The following HSP90AA1 variants were observed in gnomAD, a reference collection of about 807,000 sequenced individuals.
The protein encoded by HSP90AA1 is heat shock protein 90 alpha family class A member 1, also known as heat shock protein HSP 90-alpha.
Under a neutral mutation model 73.3 loss-of-function variants are expected in HSP90AA1, and 18 were observed. The ratio of observed to expected loss-of-function variants is 0.25; its 90% confidence interval spans 0.17 to 0.36. HSP90AA1 has a LOEUF of 0.36. HSP90AA1 is among the 10% of genes least tolerant of loss of function. HSP90AA1 has a pLI of 1.00. For missense variants in HSP90AA1, 704 were observed against 874.2 expected, an observed-to-expected ratio of 0.81 and a Z score of 2.45; for synonymous variants, 477 against 296.9, an observed-to-expected ratio of 1.61 and a Z score of -6.24.
chr14:102,134,048 C>T (rs536051901), intron 1 of HSP90AA1, among the ~76,000 whole-genome samples: 93 of 151,060 alleles, frequency 6.2e-4, no homozygotes, highest in African/African-American at 2.1e-3. Context: ...CTACTTGGGA[C>T]GCTGAGGCAG....
chr14:102,090,480 T>C (rs2049340543), upstream of HSP90AA1, among the ~76,000 whole-genome samples: 1 of 151,270 alleles, frequency 6.6e-6, no homozygotes, highest in Non-Finnish European at 1.5e-5. Context: ...GACGGAGTCT[T>C]GCTCTGTCGC....
chr14:102,102,307 G>A (rs2049504721), intron 1 of HSP90AA1, among the ~76,000 whole-genome samples: 1 of 152,184 alleles, frequency 6.6e-6, no homozygotes, highest in East Asian at 1.9e-4. Context: ...CTTCTCTGTG[G>A]ATGCTGTATG....
chr14:102,111,873 G>A (rs2049646829), intron 1 of HSP90AA1, among the ~76,000 whole-genome samples: 1 of 152,140 alleles, frequency 6.6e-6, no homozygotes, highest in South Asian at 2.1e-4. Context: ...TTGTGTTATG[G>A]TTTTCAGTGG....
At chr14:102,106,047 G>A (rs1213611123) in intron 1 of HSP90AA1, among the ~76,000 whole-genome samples, 2 of 152,042 alleles carry the variant, frequency 1.3e-5, no homozygotes, top group Admixed American at 1.3e-4. Context: ...CTGCACTCTA[G>A]CCTGGGCGAC....
At chr14:102,110,439 TGA>T (rs2078129886) in intron 1 of HSP90AA1, among the ~76,000 whole-genome samples, 1 of 149,902 alleles carries the variant, frequency 6.7e-6, no homozygotes, top group Non-Finnish European at 1.5e-5. Context: ...TGTTTGTTTT[TGA>T]GAGAGTTTCA....
chr14:102,126,506 C>T (rs1424783621), intron 1 of HSP90AA1, among the ~76,000 whole-genome samples: 1 of 152,092 alleles, frequency 6.6e-6, no homozygotes, highest in Non-Finnish European at 1.5e-5. Flanking sequence ...TAGATACTGA[C>T]TGCATCCTCG....
chr14:102,083,541 C>CT lies in HSP90AA1; in HGVS notation c.1486+4dup, dbSNP rs771936908. ...GTGTATGACTGTAACATAGTGTTCT[C>CT]TTACCTGTGATATAATAGATATGTT... On this transcript the variant is annotated splice_donor_region_variant and intron_variant, in intron 8 of 10. Transcript: ENST00000216281. 1.9e-6 allele frequency: 3 copies of CT among 1,613,116 alleles called. No homozygotes were observed. Among genetic ancestry groups the CT allele is most frequent in the Non-Finnish European group, 8.5e-7 (1 of 1,179,528 alleles).
At chr14:102,139,648 T>C in exon 1 of HSP90AA1, 1 of 644,292 alleles carries the variant, frequency 1.6e-6, no homozygotes, top group Non-Finnish European at 2.6e-6. Context: ...GAAGCCGGCA[T>C]CACCTGGGAA....
intron 2 of HSP90AA1, among the ~76,000 whole-genome samples, chr14:102,096,298 G>A (rs2049423411): frequency 6.6e-6 from 1 of 152,088 alleles, no homozygotes; most frequent in East Asian, 1.9e-4. Context: ...CACCTCCTCC[G>A]AGCTCACAGC....
At chr14:102,135,482 G>A (rs2049977830) in intron 1 of HSP90AA1, among the ~76,000 whole-genome samples, 1 of 152,292 alleles carries the variant, frequency 6.6e-6, no homozygotes, top group Admixed American at 6.5e-5. Context: ...TGCAGGTGGA[G>A]CTGCCTGCCA....
chr14:102,117,511 G>A (rs1034944876), intron 1 of HSP90AA1, among the ~76,000 whole-genome samples: 4 of 151,352 alleles, frequency 2.6e-5, no homozygotes, highest in African/African-American at 9.7e-5. Flanking sequence ...CACTCCTCGG[G>A]ATGACCTGCT....
At chr14:102,085,127 A>T in intron 4 of HSP90AA1, 129 bp from the exon 5 acceptor site, 1 of 1,515,060 alleles carries the variant, frequency 6.6e-7, no homozygotes, top group Non-Finnish European at 9.1e-7. Context: ...CTTTTCATCA[A>T]TATTTGATAC....
At chr14:102,134,295 C>T (rs1160648994) in intron 1 of HSP90AA1, among the ~76,000 whole-genome samples, 2 of 129,690 alleles carry the variant, frequency 1.5e-5, no homozygotes, top group African/African-American at 5.8e-5. Context: ...ACTACTCAAA[C>T]CTGGGCGACA....
intron 2 of HSP90AA1, among the ~76,000 whole-genome samples, chr14:102,093,836 T>G (rs902799441): frequency 4.6e-5 from 7 of 152,090 alleles, no homozygotes; most frequent in African/African-American, 1.7e-4. Flanking sequence ...TAGCCAGGCA[T>G]GGTGGCATGC....
rs1282398528 is a variant in HSP90AA1, at chr14:102,083,864, G to A, written c.1267C>T (p.Leu423Phe). ...TTATCTTCCGCCAGTTCAGTAAAGA[G>A]TTCTAAGCATTTTTTGACCAAATTC... ...RKNLVKKCLE[L>F]FTELAEDKEN... The change falls in exon 7 of 11, where the codon CTC (leucine) becomes TTC (phenylalanine). Residue 423 changes from leucine (L) to phenylalanine (F), a missense_variant. Leu to Phe is a conservative substitution (Grantham distance 22). Transcript: ENST00000216281. 1 of 1,613,750 alleles carries A rather than the reference G, an allele frequency of 6.2e-7. No homozygotes were observed.
chr14:102,100,167 A>G (rs1173976518), intron 2 of HSP90AA1, among the ~76,000 whole-genome samples: 1 of 152,232 alleles, frequency 6.6e-6, no homozygotes, highest in Non-Finnish European at 1.5e-5. Context: ...CAGCCTGGGT[A>G]GCAGAGCAAA....
At chr14:102,111,685 C>T (rs1391014181) in intron 1 of HSP90AA1, among the ~76,000 whole-genome samples, 1 of 152,214 alleles carries the variant, frequency 6.6e-6, no homozygotes, top group East Asian at 1.9e-4. Context: ...TAGTTATAAG[C>T]TGGAATAAAT....
chr14:102,086,548 G>C (rs374356408), intron 1 of HSP90AA1, among the ~76,000 whole-genome samples, 170 bp from the exon 2 acceptor site: 1 of 152,148 alleles, frequency 6.6e-6, no homozygotes, highest in African/African-American at 2.4e-5. Flanking sequence ...TCGGAGCGCG[G>C]CAACTACCAC....
intron 1 of HSP90AA1, among the ~76,000 whole-genome samples, chr14:102,123,350 T>C (rs1432273581): frequency 6.6e-6 from 1 of 151,840 alleles, no homozygotes; most frequent in East Asian, 1.9e-4. Flanking sequence ...TCACAACCAC[T>C]GCACTCCAGT....
Sources: gnomAD v4.1 joint callset for allele counts (sites outside exome capture counted in the v4.1 genomes callset) on GRCh38, gnomAD v4.1.1 for gene constraint, MANE v1.5 for transcripts, NCBI Gene and HGNC (gene_info 2026-07-23, HGNC 2026-07-21) for gene names.